TMEM176A: variants seen among roughly 807,000 people sequenced by gnomAD.
The protein encoded by TMEM176A is hepatocellular carcinoma-associated antigen 112.
A neutral mutation model predicts 27.9 loss-of-function variants in TMEM176A; 20 were observed. The observed-to-expected ratio is 0.72, with a 90% CI of 0.50 to 1.04. TMEM176A has a LOEUF of 1.04. TMEM176A is among the 50% of genes least tolerant of loss of function. The pLI is 0.00. For synonymous variants in TMEM176A, 125 were observed against 118.0 expected (o/e 1.06, Z -0.38); for missense variants, 252 against 289.1 (o/e 0.87, Z 0.93).
At chr7:150,802,935 C>T (rs922206101) in intron 3 of TMEM176A, 2 of 989,566 alleles carry the variant, frequency 2.0e-6, no homozygotes, top group Non-Finnish European at 2.4e-6. Context: ...GTCCACCTGT[C>T]CACTGGGACA....
At position 150,803,602 on chromosome 7, in the gene TMEM176A, T is replaced by C. The variant is rs532127336; in HGVS notation, c.343-18T>C. 6.2e-7 allele frequency: 1 copy of C among 1,612,692 alleles called. No individual in the cohort carries two copies. The highest frequency in any genetic ancestry group is 2.2e-5 in the East Asian group (1 of 44,860). On this transcript the variant is annotated intron_variant, in intron 4 of 6. Transcript: ENST00000004103. ...AGACTGAAACACAAAGATTTCTCTC[T>C]GCCTCCTCCCTCCCCAGGCCCTGCT...
intron 3 of TMEM176A, chr7:150,803,175 T>C: frequency 3.1e-6 from 4 of 1,283,254 alleles, no homozygotes; most frequent in South Asian, 2.7e-5. Flanking sequence ...CACACCTGGC[T>C]TGACCACAAG....
At chr7:150,804,554 G>A (rs1770046349) in intron 6 of TMEM176A, 82 bp downstream of exon 6, 9 of 1,291,232 alleles carry the variant, frequency 7.0e-6, no homozygotes, top group Admixed American at 1.7e-5. Context: ...GGACAGTTTG[G>A]GGAGGAGAAA....
At chr7:150,801,433 T>A in intron 1 of TMEM176A, 103 bp from the exon 2 acceptor site, 4 of 1,188,064 alleles carry the variant, frequency 3.4e-6, no homozygotes, top group Non-Finnish European at 4.8e-6. Flanking sequence ...AGCCATTCAT[T>A]GGGTGACTTT....
intron 2 of TMEM176A, 171 bp downstream of exon 2, chr7:150,801,895 T>C: frequency 1.4e-6 from 1 of 739,370 alleles, no homozygotes; most frequent in East Asian, 2.7e-5. Flanking sequence ...GGGGAGGCTC[T>C]GGGCTGAAGG....
At chr7:150,801,515 C>T in intron 1 of TMEM176A, 21 bp from the exon 2 acceptor site, 1 of 1,554,872 alleles carries the variant, frequency 6.4e-7, no homozygotes, top group Non-Finnish European at 8.7e-7. Context: ...CCGTTCCTCT[C>T]TGGTGCTCCC....
Position 150,803,757 on chromosome 7 carries a change from C to T in TMEM176A, c.480C>T (p.Asn160=), listed in dbSNP as rs1240869134. 1.9e-6 allele frequency: 3 copies of T among 1,614,172 alleles called. No homozygotes were observed. The highest frequency in any genetic ancestry group is 2.2e-5 in the South Asian group (2 of 91,084). Reference sequence around the variant, plus strand: ...GCATCTCCAGCTCGAGTGACTGGAACACTCCAGCCCCCACTCAGAGTCCAG... The same window carrying T: ...GCATCTCCAGCTCGAGTGACTGGAATACTCCAGCCCCCACTCAGAGTCCAG... ...ACRISSSSDW[N]TPAPTQSPEE... The change falls in exon 5 of 7, where the codon AAC becomes AAT. Residue 160 remains asparagine (N), a synonymous_variant. Transcript: ENST00000004103.
intron 3 of TMEM176A, 24 bp downstream of exon 3, chr7:150,802,349 G>T (rs1184535996): frequency 6.2e-7 from 1 of 1,602,000 alleles, no homozygotes; most frequent in Admixed American, 1.7e-5. Context: ...GACAGTGCTT[G>T]ACTGCCTGTG....
chr7:150,801,937 C>G, intron 2 of TMEM176A: 1 of 631,542 alleles, frequency 1.6e-6, no homozygotes, highest in East Asian at 2.7e-5. Context: ...ATGCAGAGTC[C>G]CAATCAGTGG....
chr7:150,802,494 G>T lies in TMEM176A; in HGVS notation c.285+169G>T, dbSNP rs987173774. The T allele has an allele frequency of 4.2e-6, 3 of 721,074 alleles. No individual in the cohort carries two copies. In the African/African-American group the frequency reaches 5.3e-5, roughly 13 times the overall value. The allele number at this position is 721,074 out of a possible 1,614,324, so 44.7% of individuals were successfully genotyped here. On this transcript the variant is annotated intron_variant, in intron 3 of 6. Transcript: ENST00000004103. The stretch of plus-strand genomic sequence containing the variant: ...GAGCAAACAGCTGAGGGCGGTGGTG[G>T]CATGTCCTATTCACACTGTCTGCTC...
chr7:150,801,007 G>T, intron 1 of TMEM176A, 179 bp downstream of exon 1: 1 of 985,834 alleles, frequency 1.0e-6, no homozygotes, highest in Non-Finnish European at 1.2e-6. Flanking sequence ...GCACCGCAGC[G>T]CGGTCCTTCA....
chr7:150,802,108 C>CTTTT, intron 2 of TMEM176A, 107 bp from the exon 3 acceptor site: 1 of 715,438 alleles, frequency 1.4e-6, no homozygotes, highest in Non-Finnish European at 2.4e-6. Flanking sequence ...TCTCTTCTTT[C>CTTTT]TTTCTCTCTC....
chr7:150,803,936 C>A (rs1024005408), intron 5 of TMEM176A, 104 bp downstream of exon 5: 8 of 1,051,764 alleles, frequency 7.6e-6, no homozygotes, highest in Non-Finnish European at 1.1e-5. Context: ...GTTACCTATT[C>A]TGCACCAAGC....
Position 150,801,761 on chromosome 7 carries a change from G to T in TMEM176A, c.174+37G>T, listed in dbSNP as rs955313842. ...GGCCTGCCTCGTCGGGCGGCGGGAG[G>T]AACTCCCCACCTCCAGCCGCAGCAG... On this transcript the variant is annotated intron_variant, in intron 2 of 6. Coordinates refer to ENST00000004103, the MANE Select transcript of TMEM176A (RefSeq NM_018487.3). The T allele has an allele frequency of 2.1e-6, 3 of 1,460,468 alleles. No individual in the cohort carries two copies. In the African/African-American group the frequency reaches 4.3e-5, roughly 21 times the overall value. The allele number at this position is 1,460,468 out of a possible 1,614,324, so 90.5% of individuals were successfully genotyped here.
rs766030211 is a variant in TMEM176A, at chr7:150,802,313, GA to G, written c.274del (p.Thr92GlnfsTer26). On this transcript the variant is annotated frameshift_variant, in exon 3 of 7. Transcript: ENST00000004103. LOFTEE classifies it high-confidence loss of function. ...LLVTSGAAIW[T>X]GAVAVLAGAA... ...TCGTCACCTCGGGAGCTGCCATCTG[GA>G]CAGGGGCTGTGGTGAGTAGAGCAGG... The G allele has an allele frequency of 5.0e-5, 81 of 1,614,038 alleles. No individual in the cohort carries two copies. Among genetic ancestry groups the G allele is most frequent in the South Asian group, 6.6e-5 (6 of 91,080 alleles).
chr7:150,804,600 C>A, intron 6 of TMEM176A, 128 bp downstream of exon 6: 1 of 935,708 alleles, frequency 1.1e-6, no homozygotes. Flanking sequence ...ATTATCATGC[C>A]TGTCTTTCTA....
At chr7:150,802,186 G>T in intron 2 of TMEM176A, 29 bp from the exon 3 acceptor site, 1 of 1,602,502 alleles carries the variant, frequency 6.2e-7, no homozygotes, top group Non-Finnish European at 8.5e-7. Flanking sequence ...CCACCTAGGA[G>T]CCGGGATCTT....
rs1798886105 is a variant in TMEM176A at position 150,804,702 on chromosome 7, G to T, written c.667-125G>T. 4 of 1,079,214 alleles carry T rather than the reference G, an allele frequency of 3.7e-6. No homozygotes were observed. The Admixed American group carries it at 7.0e-5, about 19-fold the overall frequency. The allele number at this position is 1,079,214 out of a possible 1,614,324, so 66.9% of individuals were successfully genotyped here. A position where few individuals can be genotyped will look rare whatever the true frequency, so the allele number is the denominator to read the frequency against. Reference sequence around the variant, plus strand: ...GGAATCCAGGGAAGTCCATATCCATGCTATGCCTTTGGATCAGGTACCATG... The same window carrying T: ...GGAATCCAGGGAAGTCCATATCCATTCTATGCCTTTGGATCAGGTACCATG... On this transcript the variant is annotated intron_variant, in intron 6 of 6. Transcript: ENST00000004103.
At chr7:150,800,934 T>C in intron 1 of TMEM176A, 106 bp downstream of exon 1, 1 of 985,632 alleles carries the variant, frequency 1.0e-6, no homozygotes, top group Non-Finnish European at 1.2e-6. Context: ...CACCCAGGGA[T>C]GACACTCCAG....
Sources: gnomAD v4.1 joint callset for allele counts on GRCh38, gnomAD v4.1.1 for gene constraint, MANE v1.5 for transcripts, NCBI Gene and HGNC (gene_info 2026-07-23, HGNC 2026-07-21) for gene names.